SYT2: variants seen among roughly 807,000 people sequenced by gnomAD.
The protein encoded by SYT2 is synaptotagmin-2.
A neutral mutation model predicts 39.9 loss-of-function variants in SYT2; 15 were observed. The ratio of observed to expected loss-of-function variants is 0.38; its 90% CI spans 0.25 to 0.58. The LOEUF is 0.58. SYT2 is among the 20% of genes least tolerant of loss of function. The pLI, the probability that SYT2 is intolerant of heterozygous loss-of-function variation, is 0.70. For synonymous variants in SYT2, 181 were observed against 204.5 expected (o/e 0.89, Z 0.98); for missense variants, 389 against 530.3 (o/e 0.73, Z 2.62).
At chr1:202,668,002 C>T (rs763655553) in intron 1 of SYT2, among the ~76,000 whole-genome samples, 10 of 152,196 alleles carry the variant, frequency 6.6e-5, no homozygotes, top group African/African-American at 2.4e-4. Context: ...TGAGCCATCG[C>T]GCCCGGCCCA....
In SYT2 at chr1:202,697,280, C is replaced by T. The variant is rs565491334; in HGVS notation, c.-18+12978G>A. ...AGTCCTGAGCCCAGCCGGTAAGTGG[C>T]GTGTGGACCAGGAGAGGGGGCCAGC... On this transcript the variant is annotated intron_variant, in intron 1 of 8. Coordinates refer to ENST00000367268, the MANE Select transcript of SYT2 (RefSeq NM_177402.5). 2.6e-5 allele frequency among the ~76,000 whole-genome samples: 4 copies of T among 152,364 alleles called. 1 individual carries two copies. Among genetic ancestry groups the T allele is most frequent in the East Asian group, 1.9e-4 (1 of 5,180 alleles).
chr1:202,617,664 T>C (rs1201701185), intron 1 of SYT2, among the ~76,000 whole-genome samples: 1 of 152,108 alleles, frequency 6.6e-6, no homozygotes, highest in Non-Finnish European at 1.5e-5. Flanking sequence ...CCCACACCCA[T>C]GGCTCCCTCC....
In SYT2 at chr1:202,602,995, A is replaced by G. The variant is rs201004156; in HGVS notation, c.465+4T>C. 6.6e-5 allele frequency: 103 copies of G among 1,555,148 alleles called. 1 individual carries two copies. In the African/African-American group the frequency reaches 1.3e-3, roughly 20 times the overall value. On this transcript the variant is annotated splice_donor_region_variant and intron_variant, in intron 4 of 8. Coordinates refer to ENST00000367268, the MANE Select transcript of SYT2 (RefSeq NM_177402.5). Reference sequence around the variant, plus strand: ...CCACTCTGCCCCCCCACAGCCCTGCATACCTGATTAGCCTGAAAATCATAG... The same window carrying G: ...CCACTCTGCCCCCCCACAGCCCTGCGTACCTGATTAGCCTGAAAATCATAG...
chr1:202,642,965 C>G (rs976084730), intron 1 of SYT2, among the ~76,000 whole-genome samples: 2 of 152,264 alleles, frequency 1.3e-5, no homozygotes, highest in South Asian at 2.1e-4. Flanking sequence ...TGGACCCGGG[C>G]TCTCCGCGGG....
chr1:202,660,074 T>C (rs1376644166), intron 1 of SYT2, among the ~76,000 whole-genome samples: 5 of 152,140 alleles, frequency 3.3e-5, no homozygotes, highest in African/African-American at 1.2e-4. Flanking sequence ...GCTGGAGCAA[T>C]GCCCATTGCC....
intron 1 of SYT2, among the ~76,000 whole-genome samples, chr1:202,687,800 T>A (rs1351391945): frequency 6.6e-6 from 1 of 152,056 alleles, no homozygotes; most frequent in Non-Finnish European, 1.5e-5. Flanking sequence ...TAAGAATAGA[T>A]CCTCTGTTAA....
chr1:202,597,766 AT>A (rs1194855283), intron 8 of SYT2, among the ~76,000 whole-genome samples: 1 of 152,112 alleles, frequency 6.6e-6, no homozygotes, highest in Admixed American at 6.5e-5. Flanking sequence ...CCATTGGAGG[AT>A]GCTGGAGGGT....
rs199686360 is a variant in SYT2 at position 202,603,883 on chromosome 1, CCAAA to C, written c.345+568_345+571del. ...AGCAAGAGATTCCTCCTAGTCACCC[CCAAA>C]CAAACATGGGGGAAATGGAAGCACA... On this transcript the variant is annotated intron_variant, in intron 3 of 8. Coordinates refer to ENST00000367268, the MANE Select transcript of SYT2 (RefSeq NM_177402.5). 3.3e-3 allele frequency among the ~76,000 whole-genome samples: 495 copies of C among 152,268 alleles called. 6 individuals are homozygous for C. The highest frequency in any genetic ancestry group is 0.015 in the Admixed American group (224 of 15,294).
intron 1 of SYT2, among the ~76,000 whole-genome samples, chr1:202,693,786 C>T (rs942882392): frequency 1.2e-4 from 18 of 152,132 alleles, no homozygotes; most frequent in Non-Finnish European, 1.9e-4. Flanking sequence ...TTTTGCATTG[C>T]TACAAAGAAA....
intron 1 of SYT2, among the ~76,000 whole-genome samples, chr1:202,650,774 C>T (rs912062599): frequency 2.6e-5 from 4 of 152,086 alleles, no homozygotes; most frequent in East Asian, 1.9e-4. Flanking sequence ...CACAAAAGAC[C>T]GTGGAGCCGG....
intron 1 of SYT2, among the ~76,000 whole-genome samples, chr1:202,670,394 G>T (rs889845933): frequency 2.0e-5 from 3 of 152,168 alleles, no homozygotes; most frequent in African/African-American, 7.2e-5. Context: ...TTGGTGCCCA[G>T]GGAGCTACTG....
At chr1:202,675,847 T>C (rs750101211) in intron 1 of SYT2, among the ~76,000 whole-genome samples, 2 of 152,236 alleles carry the variant, frequency 1.3e-5, no homozygotes, top group South Asian at 2.1e-4. Flanking sequence ...CTAGCTTGAA[T>C]AGTAATCATT....
rs1486957779 is a variant in SYT2 at position 202,710,316 on chromosome 1, G to C, written c.-76C>G. ...GGGGTCTCCAATGTGAGGGGGCGTC[G>C]GACGGCAAGGACGCGTGGCTGGCGA... On this transcript the variant is annotated 5_prime_UTR_variant, in exon 1 of 9. Transcript: ENST00000367268. The C allele has an allele frequency of 6.6e-6, 1 of 152,366 alleles. No homozygotes were observed. The highest frequency in any genetic ancestry group is 2.4e-5 in the African/African-American group (1 of 41,578). The allele number at this position is 152,366 out of a possible 1,614,324, so 9.4% of individuals were successfully genotyped here.
At chr1:202,642,872 C>G (rs1691958804) in intron 1 of SYT2, among the ~76,000 whole-genome samples, 1 of 152,242 alleles carries the variant, frequency 6.6e-6, no homozygotes, top group Non-Finnish European at 1.5e-5. Flanking sequence ...CACGGCTTCT[C>G]TGCGGCGAGT....
At chr1:202,669,452 C>G (rs1224389738) in intron 1 of SYT2, among the ~76,000 whole-genome samples, 1 of 151,970 alleles carries the variant, frequency 6.6e-6, no homozygotes, top group Admixed American at 6.6e-5. Context: ...GAGTTCAAGA[C>G]CAGTCTGGCC....
At chr1:202,619,491 G>A (rs927597764) in intron 1 of SYT2, among the ~76,000 whole-genome samples, 2 of 152,190 alleles carry the variant, frequency 1.3e-5, no homozygotes, top group Non-Finnish European at 2.9e-5. Context: ...CTGAGGAAGG[G>A]TCTCTCAGGC....
intron 1 of SYT2, among the ~76,000 whole-genome samples, chr1:202,631,269 C>A (rs1246142127): frequency 6.6e-6 from 1 of 152,106 alleles, no homozygotes. Flanking sequence ...ACAGATGACC[C>A]CTGCTTGGAG....
intron 3 of SYT2, chr1:202,604,193 T>C (rs1690619447): frequency 5.1e-6 from 2 of 390,568 alleles, no homozygotes; most frequent in African/African-American, 2.0e-5. Flanking sequence ...TTTGTCCCAG[T>C]AGCCTCATTG....
At position 202,628,144 on chromosome 1, in the gene SYT2, TATTTC is replaced by T. The variant is rs376709852; in HGVS notation, c.-17-22360_-17-22356del. 2.0e-3 allele frequency among the ~76,000 whole-genome samples: 307 copies of T among 152,284 alleles called. 1 individual carries two copies. Among genetic ancestry groups the T allele is most frequent in the African/African-American group, 6.9e-3 (286 of 41,544 alleles). On this transcript the variant is annotated intron_variant, in intron 1 of 8. Transcript: ENST00000367268. This position sits in a 1 kb window ranked among gnomAD's most constrained non-coding sequence, Gnocchi z 4.2. ...CTGTGCCCACTCCGTGCCAGCGGCA[TATTTC>T]ATTTCATCCGGGCCTTGTGAGGTGG...
Sources: allele counts gnomAD v4.1 joint callset (sites outside exome capture counted in the v4.1 genomes callset), GRCh38; gene constraint gnomAD v4.1.1; non-coding constraint Gnocchi (gnomAD v3.1); transcripts MANE v1.5; gene names NCBI Gene and HGNC (gene_info 2026-07-23, HGNC 2026-07-21).